SNTG1: variants seen among roughly 807,000 people sequenced by gnomAD.
The protein encoded by SNTG1 is syntrophin gamma 1.
Under a neutral mutation model 74.7 loss-of-function variants are expected in SNTG1, and 39 were observed. That is an observed-to-expected ratio of 0.52 (90% CI 0.40 to 0.68). The LOEUF is 0.68. Ranked by LOEUF, SNTG1 falls within the 30% of genes least tolerant of loss-of-function variation. The pLI, the probability that SNTG1 is intolerant of heterozygous loss-of-function variation, is 0.00. For synonymous variants in SNTG1, 254 were observed against 217.1 expected, an observed-to-expected ratio of 1.17 and a Z score of -1.49; for missense variants, 685 against 609.5, an observed-to-expected ratio of 1.12 and a Z score of -1.30.
chr8:50,687,223 G>C (rs551846656), intron 15 of SNTG1, among the ~76,000 whole-genome samples: 2 of 149,700 alleles, frequency 1.3e-5, no homozygotes, highest in African/African-American at 4.9e-5. Flanking sequence ...GAAAGACAGC[G>C]AGAGATGAAA....
intron 2 of SNTG1, among the ~76,000 whole-genome samples, chr8:50,191,197 T>C (rs1431159742): frequency 2.6e-5 from 4 of 152,226 alleles, no homozygotes; most frequent in East Asian, 1.9e-4. Flanking sequence ...TGCTGTGGTG[T>C]TTCTGGGATA....
At chr8:50,405,370 T>A (rs912885763) in intron 4 of SNTG1, among the ~76,000 whole-genome samples, 1 of 152,126 alleles carries the variant, frequency 6.6e-6, no homozygotes, top group African/African-American at 2.4e-5. Flanking sequence ...AATCTCACCG[T>A]GGTTTTCATT....
At chr8:50,238,622 A>T (rs1023040684) in intron 2 of SNTG1, among the ~76,000 whole-genome samples, 9 of 152,248 alleles carry the variant, frequency 5.9e-5, no homozygotes, top group African/African-American at 2.2e-4. Context: ...CAACCGCAAC[A>T]TAAACAAACA....
intron 1 of SNTG1, among the ~76,000 whole-genome samples, chr8:50,056,825 A>T (rs1168163099): frequency 6.6e-6 from 1 of 152,174 alleles, no homozygotes; most frequent in African/African-American, 2.4e-5. Flanking sequence ...GGATTGCTGG[A>T]ACAGCAGGAC....
Position 50,794,118 on chromosome 8 carries a change from G to T in SNTG1, c.*1289G>T, listed in dbSNP as rs2095698888. 6.8e-6 allele frequency: 1 copy of T among 148,054 alleles called. No individual in the cohort carries two copies. Among genetic ancestry groups the T allele is most frequent in the Non-Finnish European group, 1.5e-5 (1 of 67,074 alleles). The allele number at this position is 148,054 out of a possible 1,614,324, so 9.2% of individuals were successfully genotyped here. A position where few individuals can be genotyped will look rare whatever the true frequency, so the allele number is the denominator to read the frequency against. ...ATATTTTAAAAAGTCAGCTGTGTAT[G>T]TAAAAAAAAAAAAAAATTTTTATTG... On this transcript the variant is annotated 3_prime_UTR_variant, in exon 19 of 19. Transcript: ENST00000642720.
intron 8 of SNTG1, among the ~76,000 whole-genome samples, chr8:50,471,006 A>C (rs1283159182): frequency 6.6e-6 from 1 of 152,158 alleles, no homozygotes; most frequent in East Asian, 1.9e-4. Context: ...AGCTAGACAC[A>C]GAATGCTGAT....
At chr8:50,243,906 C>T (rs543865500) in intron 2 of SNTG1, among the ~76,000 whole-genome samples, 2 of 152,216 alleles carry the variant, frequency 1.3e-5, no homozygotes, top group Admixed American at 6.5e-5. Flanking sequence ...GAGGAATCGA[C>T]CTTTCTGTCA....
intron 8 of SNTG1, among the ~76,000 whole-genome samples, chr8:50,498,532 T>C (rs559700123): frequency 1.3e-5 from 2 of 152,028 alleles, no homozygotes; most frequent in African/African-American, 4.8e-5. Flanking sequence ...TACAAATATT[T>C]TCTCAAAGTT....
intron 1 of SNTG1, among the ~76,000 whole-genome samples, chr8:50,167,313 A>AAAAAT (rs1447186585): frequency 1.3e-5 from 2 of 148,792 alleles, no homozygotes; most frequent in South Asian, 2.1e-4. Flanking sequence ...TAAAAATAAA[A>AAAAAT]AAAATAAAAT....
chr8:50,611,392 A>C (rs1277334875), intron 13 of SNTG1, among the ~76,000 whole-genome samples: 1 of 152,166 alleles, frequency 6.6e-6, no homozygotes, highest in South Asian at 2.1e-4. Flanking sequence ...TAGGAGGATT[A>C]AAATTATAGT....
At chr8:50,072,762 C>T (rs1228660477) in intron 1 of SNTG1, among the ~76,000 whole-genome samples, 1 of 152,128 alleles carries the variant, frequency 6.6e-6, no homozygotes, top group Non-Finnish European at 1.5e-5. Context: ...GGGTTCAGTT[C>T]TAGACCACAG....
chr8:49,959,122 G>A (rs757953008), intron 1 of SNTG1, among the ~76,000 whole-genome samples: 7 of 151,954 alleles, frequency 4.6e-5, no homozygotes, highest in East Asian at 3.9e-4. Flanking sequence ...TGAAATTCTC[G>A]ATATTTTCAT....
intron 13 of SNTG1, among the ~76,000 whole-genome samples, chr8:50,639,990 A>G (rs10958001): frequency 0.86 from 131,362 of 152,144 alleles, 56,911 homozygotes; most frequent in East Asian, 0.92. Context: ...AAATTTCTTA[A>G]GTACTATCAT....
At chr8:50,177,727 A>C (rs943702345) in intron 2 of SNTG1, among the ~76,000 whole-genome samples, 7 of 152,204 alleles carry the variant, frequency 4.6e-5, no homozygotes, top group Non-Finnish European at 1.0e-4. Flanking sequence ...CCTCTTTAAC[A>C]CTTGTTTAAT....
intron 1 of SNTG1, among the ~76,000 whole-genome samples, chr8:50,017,966 C>T (rs951465741): frequency 6.6e-6 from 1 of 151,940 alleles, no homozygotes; most frequent in Admixed American, 6.6e-5. Flanking sequence ...GTAGCATTTT[C>T]TCAAGTGCAC....
At chr8:50,480,379 T>G (rs938037844) in intron 8 of SNTG1, among the ~76,000 whole-genome samples, 2 of 152,162 alleles carry the variant, frequency 1.3e-5, no homozygotes, top group Non-Finnish European at 2.9e-5. Flanking sequence ...TTCGATGACT[T>G]GAGATATCTC....
At chr8:50,076,997 A>G (rs1009642189) in intron 1 of SNTG1, among the ~76,000 whole-genome samples, 7 of 152,212 alleles carry the variant, frequency 4.6e-5, no homozygotes, top group Non-Finnish European at 8.8e-5. Flanking sequence ...TACAATGGAT[A>G]CTATTTTTCA....
chr8:50,611,122 T>G lies in SNTG1; in HGVS notation c.849+20205T>G, dbSNP rs183458937. 3.9e-4 allele frequency among the ~76,000 whole-genome samples: 59 copies of G among 152,310 alleles called. 1 individual carries two copies. The East Asian group carries it at 9.8e-3, about 25-fold the overall frequency. ...GCCTGAAGAGGAAAGGAAAGGGAAC[T>G]GTTATATTAATTATTAAACAGTGGT... is the stretch of plus-strand genomic sequence containing the variant. On this transcript the variant is annotated intron_variant, in intron 13 of 18. Transcript: ENST00000642720.
In SNTG1 at chr8:50,397,830, T is replaced by G. The variant is rs536335498; in HGVS notation, c.27+3565T>G. ...TAGCTGCCTGTGTTGAATTCTAGCC[T>G]TTTCTTCCTCTAGGTCCCTCTGCAC... On this transcript the variant is annotated intron_variant, in intron 3 of 18. Coordinates refer to ENST00000642720, the MANE Select transcript of SNTG1 (RefSeq NM_018967.5). Among the ~76,000 whole-genome samples the G allele has an allele frequency of 3.3e-5, 5 of 152,276 alleles. No individual in the cohort carries two copies. The East Asian group carries it at 9.7e-4, about 29-fold the overall frequency.
Sources: gnomAD v4.1 joint callset for allele counts (sites outside exome capture counted in the v4.1 genomes callset) on GRCh38, gnomAD v4.1.1 for gene constraint, MANE v1.5 for transcripts, NCBI Gene and HGNC (gene_info 2026-07-23, HGNC 2026-07-21) for gene names.